Variants in PCDH15 observed in about 807,000 individuals in gnomAD.
PCDH15 encodes protocadherin-15.
Under a neutral mutation model 178.5 loss-of-function variants are expected in PCDH15, and 129 were observed. The observed-to-expected ratio is 0.72, with a 90% CI of 0.63 to 0.84. PCDH15 has a LOEUF of 0.84. Ranked by LOEUF, PCDH15 falls within the 40% of genes least tolerant of loss-of-function variation. The pLI is 0.00. For synonymous variants in PCDH15, 800 were observed against 732.0 expected, an observed-to-expected ratio of 1.09 and a Z score of -1.50; for missense variants, 2,230 against 2,099.9, an observed-to-expected ratio of 1.06 and a Z score of -1.21.
chr10:55,264,370 G>A (rs1842226863), intron 1 of PCDH15, among the ~76,000 whole-genome samples: 1 of 152,032 alleles, frequency 6.6e-6, no homozygotes, highest in South Asian at 2.1e-4. Flanking sequence ...GCATAAACAG[G>A]CCCAGGGAAC....
intron 13 of PCDH15, among the ~76,000 whole-genome samples, chr10:54,159,088 G>T (rs946149427): frequency 6.9e-6 from 1 of 144,612 alleles, no homozygotes; most frequent in Non-Finnish European, 1.5e-5. Context: ...CAGCCTGGGT[G>T]ACAGAGTGAG....
intron 14 of PCDH15, among the ~76,000 whole-genome samples, chr10:54,140,661 G>A (rs1022617654): frequency 1.3e-4 from 19 of 151,464 alleles, no homozygotes; most frequent in African/African-American, 4.4e-4. Context: ...TAGAGATGGG[G>A]CTTCACCATG....
intron 17 of PCDH15, among the ~76,000 whole-genome samples, chr10:54,073,528 T>C (rs2094286183): frequency 6.6e-6 from 1 of 152,178 alleles, no homozygotes; most frequent in African/African-American, 2.4e-5. Context: ...TATATTGCCA[T>C]GTTTCAAAGA....
chr10:55,597,484 T>TA (rs896429361), intron 2 of PCDH15, among the ~76,000 whole-genome samples: 4 of 152,062 alleles, frequency 2.6e-5, no homozygotes, highest in African/African-American at 9.7e-5. Context: ...ACTCCAACAC[T>TA]AGCCCCTCGA....
chr10:53,889,647 C>G (rs1427597519), intron 26 of PCDH15, among the ~76,000 whole-genome samples: 1 of 152,106 alleles, frequency 6.6e-6, no homozygotes, highest in African/African-American at 2.4e-5. Flanking sequence ...TATTATCTAT[C>G]TATTAAGTCT....
chr10:54,805,926 A>C (rs930116531), upstream of PCDH15, among the ~76,000 whole-genome samples: 1 of 152,192 alleles, frequency 6.6e-6, no homozygotes, highest in African/African-American at 2.4e-5. Context: ...ATTTCTAAGC[A>C]TTTCTGTTGG....
chr10:55,419,489 G>A (rs1838567065), intron 2 of PCDH15, among the ~76,000 whole-genome samples: 1 of 151,748 alleles, frequency 6.6e-6, no homozygotes, highest in Admixed American at 6.6e-5. Flanking sequence ...CTTTCCACAA[G>A]TCAATGTTAA....
intron 2 of PCDH15, among the ~76,000 whole-genome samples, chr10:55,344,931 A>G (rs1448145880): frequency 6.6e-6 from 1 of 152,048 alleles, no homozygotes; most frequent in Non-Finnish European, 1.5e-5. Context: ...AAGTAACATA[A>G]TGCTACGTAT....
chr10:54,858,033 A>C lies in PCDH15; in HGVS notation c.-29+39417T>G, dbSNP rs149109226. On this transcript the variant is annotated intron_variant, in intron 3 of 5. Transcript: ENST00000458638. Reference sequence around the variant, plus strand: ...TATGTTGCCTGTGCAATAGATCTTGAAAACGTGTATGTCCTGTCTAATTGA... The same window carrying C: ...TATGTTGCCTGTGCAATAGATCTTGCAAACGTGTATGTCCTGTCTAATTGA... Among the ~76,000 whole-genome samples the C allele has an allele frequency of 4.3e-4, 65 of 152,304 alleles. No individual in the cohort carries two copies. The East Asian group carries it at 0.01, about 24-fold the overall frequency.
chr10:55,535,502 A>C (rs1038466219), intron 2 of PCDH15, among the ~76,000 whole-genome samples: 1 of 152,106 alleles, frequency 6.6e-6, no homozygotes, highest in Non-Finnish European at 1.5e-5. Flanking sequence ...CCAATGTACA[A>C]GACAATATTA....
chr10:54,345,006 T>A (rs1588944076), intron 6 of PCDH15, among the ~76,000 whole-genome samples: 1 of 149,004 alleles, frequency 6.7e-6, no homozygotes, highest in Admixed American at 6.7e-5. Context: ...TTTTCCAAAT[T>A]TATTAAAATT....
chr10:54,878,829 C>T (rs1243319371), intron 3 of PCDH15, among the ~76,000 whole-genome samples: 1 of 152,074 alleles, frequency 6.6e-6, no homozygotes, highest in Non-Finnish European at 1.5e-5. Context: ...CCTCCCCCTA[C>T]CCCACTCAGC....
intron 3 of PCDH15, among the ~76,000 whole-genome samples, chr10:54,896,983 C>T (rs1313193535): frequency 6.6e-6 from 1 of 152,170 alleles, no homozygotes; most frequent in Non-Finnish European, 1.5e-5. Flanking sequence ...CAGGGTCTTA[C>T]TATAACCCAA....
intron 15 of PCDH15, among the ~76,000 whole-genome samples, chr10:54,128,678 G>T (rs1180797526): frequency 6.6e-6 from 1 of 152,026 alleles, no homozygotes; most frequent in Non-Finnish European, 1.5e-5. Context: ...ATTTTTTGGA[G>T]TATTGTACTC....
intron 1 of PCDH15, among the ~76,000 whole-genome samples, chr10:54,747,598 G>T (rs540238745): frequency 1.3e-3 from 199 of 152,154 alleles, no homozygotes; most frequent in African/African-American, 4.7e-3. Flanking sequence ...TTCCAGAAAA[G>T]TCTTCAAACA....
intron 32 of PCDH15, chr10:53,821,738 A>G (rs1162050059): frequency 1.3e-6 from 2 of 1,534,014 alleles, no homozygotes; most frequent in African/African-American, 1.4e-5. Context: ...GAGAAAAAAA[A>G]CTGCATTTCA....
chr10:54,330,988 A>T (rs12570253), intron 6 of PCDH15, among the ~76,000 whole-genome samples: 33,504 of 151,272 alleles, frequency 0.22, 3,817 homozygotes, highest in African/African-American at 0.27. Context: ...GGGAAAGAAA[A>T]ATGAGAGGAA....
intron 2 of PCDH15, among the ~76,000 whole-genome samples, chr10:54,952,449 C>T (rs1031628067): frequency 4.6e-5 from 7 of 151,722 alleles, no homozygotes; most frequent in African/African-American, 1.7e-4. Flanking sequence ...GTTTCTCTAA[C>T]TCTGTTTTTC....
intron 2 of PCDH15, among the ~76,000 whole-genome samples, chr10:55,439,534 G>C (rs991451937): frequency 2.0e-5 from 3 of 151,904 alleles, no homozygotes; most frequent in Non-Finnish European, 4.4e-5. Context: ...ATAAAAGTTG[G>C]GGGGGAGGGA....
Sources: allele counts gnomAD v4.1 joint callset (sites outside exome capture counted in the v4.1 genomes callset), GRCh38; gene constraint gnomAD v4.1.1; transcripts MANE v1.5; gene names NCBI Gene and HGNC (gene_info 2026-07-23, HGNC 2026-07-21).